The following DSCAM variants were observed in gnomAD, a reference collection of about 807,000 sequenced individuals.
DSCAM encodes DS cell adhesion molecule.
DSCAM carries 47 observed loss-of-function variants against 217.7 expected under a neutral mutation model. The observed-to-expected ratio is 0.22, with a 90% CI of 0.17 to 0.28. The LOEUF (loss-of-function observed/expected upper bound fraction) is 0.28, where lower values mean the gene tolerates loss of function less well. DSCAM is among the 10% of genes least tolerant of loss of function. DSCAM has a pLI of 1.00. For synonymous variants in DSCAM, 1,056 were observed against 1,015.3 expected (o/e 1.04, Z -0.76); for missense variants, 2,080 against 2,618.3 (o/e 0.79, Z 4.49).
chr21:40,691,643 A>T (rs1484653885), intron 3 of DSCAM, among the ~76,000 whole-genome samples: 2 of 152,260 alleles, frequency 1.3e-5, no homozygotes, highest in African/African-American at 2.4e-5. Flanking sequence ...GTATTTTTCA[A>T]CACCCTAAGT....
intron 3 of DSCAM, among the ~76,000 whole-genome samples, chr21:40,377,487 T>C (rs2123719537): frequency 6.6e-6 from 1 of 152,098 alleles, no homozygotes; most frequent in Non-Finnish European, 1.5e-5. Flanking sequence ...AGGTATTGAT[T>C]CTGAGGGACC....
intron 20 of DSCAM, among the ~76,000 whole-genome samples, chr21:40,117,290 T>C (rs1462960264): frequency 1.3e-5 from 2 of 152,162 alleles, no homozygotes; most frequent in East Asian, 3.9e-4. Context: ...GGTTTGCCAG[T>C]CTATGCCCAT....
chr21:40,675,230 T>C (rs568652938), intron 3 of DSCAM, among the ~76,000 whole-genome samples: 2 of 152,270 alleles, frequency 1.3e-5, no homozygotes, highest in South Asian at 4.1e-4. Flanking sequence ...GGGACTAATA[T>C]GGTAGCACAC....
At chr21:40,348,208 C>T (rs1234971647) in intron 5 of DSCAM, among the ~76,000 whole-genome samples, 5 of 152,192 alleles carry the variant, frequency 3.3e-5, no homozygotes, top group Non-Finnish European at 4.4e-5. Context: ...GCAATCGTAC[C>T]CCACACAGTT....
chr21:40,582,806 T>G (rs570324303), intron 3 of DSCAM, among the ~76,000 whole-genome samples: 2 of 152,094 alleles, frequency 1.3e-5, no homozygotes, highest in Non-Finnish European at 2.9e-5. Flanking sequence ...GTGCCCTATA[T>G]TTGGAAACAC....
At chr21:40,390,420 C>T (rs530779926) in intron 3 of DSCAM, among the ~76,000 whole-genome samples, 6 of 152,148 alleles carry the variant, frequency 3.9e-5, no homozygotes, top group Non-Finnish European at 8.8e-5. Context: ...AGGTGGATAG[C>T]CTTGGGTTAG....
chr21:40,736,882 A>G (rs536945394), intron 1 of DSCAM, among the ~76,000 whole-genome samples: 15 of 152,240 alleles, frequency 9.9e-5, no homozygotes, highest in Middle Eastern at 3.4e-3. Context: ...TTATATAACT[A>G]CTCCACAAGA....
At chr21:40,129,675 G>C (rs1280982782) in intron 19 of DSCAM, among the ~76,000 whole-genome samples, 1 of 152,186 alleles carries the variant, frequency 6.6e-6, no homozygotes, top group African/African-American at 2.4e-5. Flanking sequence ...ACTACCATAG[G>C]CTATAGAGCA....
intron 3 of DSCAM, among the ~76,000 whole-genome samples, chr21:40,562,128 G>A (rs992527712): frequency 3.3e-5 from 5 of 152,126 alleles, no homozygotes; most frequent in African/African-American, 1.2e-4. Context: ...GATATGGTTA[G>A]GCTTTGTGTC....
chr21:40,197,094 CCT>C (rs2091018660), intron 11 of DSCAM, among the ~76,000 whole-genome samples: 2 of 151,876 alleles, frequency 1.3e-5, no homozygotes, highest in South Asian at 2.1e-4. Context: ...CATCTTCTCC[CCT>C]TTCTCCTTAA....
chr21:40,283,030 G>T lies in DSCAM; in HGVS notation c.2183-6760C>A, dbSNP rs1399000089. 2.0e-5 allele frequency among the ~76,000 whole-genome samples: 3 copies of T among 152,278 alleles called. No homozygotes were observed. In the South Asian group the frequency reaches 6.2e-4, roughly 32 times the overall value. On this transcript the variant is annotated intron_variant, in intron 10 of 32. Coordinates refer to ENST00000400454, the MANE Select transcript of DSCAM (RefSeq NM_001389.5). ...TATTGCATCTGAAGATCTAATTGTGGTTACTAAATGGAATAATAGTGAACA... is the reference window on the plus strand; with the variant it reads ...TATTGCATCTGAAGATCTAATTGTGTTTACTAAATGGAATAATAGTGAACA...
chr21:40,672,615 C>G (rs936763190), intron 3 of DSCAM, among the ~76,000 whole-genome samples: 9 of 152,196 alleles, frequency 5.9e-5, no homozygotes, highest in African/African-American at 2.2e-4. Flanking sequence ...AAGTGGCTCA[C>G]AGGACATCCT....
At chr21:40,043,635 G>A (rs370962177) in intron 31 of DSCAM, among the ~76,000 whole-genome samples, 17 of 152,260 alleles carry the variant, frequency 1.1e-4, no homozygotes, top group South Asian at 1.0e-3. Context: ...ATTGTCAAAC[G>A]GATCAGCCTG....
chr21:40,732,422 A>C (rs2091022272), intron 1 of DSCAM, among the ~76,000 whole-genome samples: 1 of 152,236 alleles, frequency 6.6e-6, no homozygotes, highest in Non-Finnish European at 1.5e-5. Context: ...AGCAATATCT[A>C]GTCTCTTACT....
chr21:40,668,902 T>C (rs112538287), intron 3 of DSCAM, among the ~76,000 whole-genome samples: 72 of 151,958 alleles, frequency 4.7e-4, no homozygotes, highest in African/African-American at 7.0e-4. Flanking sequence ...AAAGAAAAGA[T>C]ACAGAAATTG....
At chr21:40,014,068 C>T (rs183021940) in intron 32 of DSCAM, among the ~76,000 whole-genome samples, 7 of 152,348 alleles carry the variant, frequency 4.6e-5, no homozygotes, top group African/African-American at 1.2e-4. Context: ...TGTGGTGCCA[C>T]GCAAACATAA....
intron 5 of DSCAM, among the ~76,000 whole-genome samples, chr21:40,351,527 C>T (rs940004656): frequency 2.0e-5 from 3 of 152,110 alleles, no homozygotes; most frequent in African/African-American, 7.2e-5. Flanking sequence ...CGAAGCTCTA[C>T]AAATGAAACA....
intron 1 of DSCAM, among the ~76,000 whole-genome samples, chr21:40,762,677 C>T (rs1267277726): frequency 6.6e-6 from 1 of 152,140 alleles, no homozygotes; most frequent in African/African-American, 2.4e-5. Flanking sequence ...AATTTCAGGC[C>T]GATATCCCTG....
At chr21:40,527,212 T>A (rs2205133) in intron 3 of DSCAM, among the ~76,000 whole-genome samples, 38,106 of 152,132 alleles carry the variant, frequency 0.25, 5,717 homozygotes, top group African/African-American at 0.39. Context: ...CTACCCCATG[T>A]ATGGTAGATG....
Sources: gnomAD v4.1 joint callset for allele counts (sites outside exome capture counted in the v4.1 genomes callset) on GRCh38, gnomAD v4.1.1 for gene constraint, MANE v1.5 for transcripts, NCBI Gene and HGNC (gene_info 2026-07-23, HGNC 2026-07-21) for gene names.